The following LRBA variants were observed in gnomAD, a reference collection of about 807,000 sequenced individuals.
The protein encoded by LRBA is LPS responsive beige-like anchor protein.
In LRBA, 176 loss-of-function variants were observed where a neutral mutation model predicts 330.0. The ratio of observed to expected loss-of-function variants is 0.53; its 90% confidence interval spans 0.47 to 0.60. LRBA has a LOEUF of 0.60. Among genes scored for constraint, LRBA ranks in the 20% least tolerant of loss-of-function variants. The pLI is 0.00. For synonymous variants in LRBA, 1,230 were observed against 1,193.0 expected, an observed-to-expected ratio of 1.03 and a Z score of -0.64; for missense variants, 3,259 against 3,444.8, an observed-to-expected ratio of 0.95 and a Z score of 1.35.
At chr4:150,734,525 G>GT (rs1730938462) in intron 36 of LRBA, among the ~76,000 whole-genome samples, 1 of 152,070 alleles carries the variant, frequency 6.6e-6, no homozygotes, top group African/African-American at 2.4e-5. Context: ...GAGTTTATCT[G>GT]TTCTTGATAT....
rs192693312 is a variant in LRBA, at chr4:150,464,644, T to G, written c.6780+3029A>C. Among the ~76,000 whole-genome samples, 227 of 152,152 alleles carry G rather than the reference T, an allele frequency of 1.5e-3. 1 individual carries two copies. The highest frequency in any genetic ancestry group is 2.5e-3 in the Non-Finnish European group (167 of 67,992). On this transcript the variant is annotated intron_variant, in intron 44 of 56. Coordinates refer to ENST00000651943, the MANE Select transcript of LRBA (RefSeq NM_001364905.1). ...GCTGATCTGGGCCTGGCTTTGTTGC[T>G]CTTAGTTGGACTCCTTCATACGTTT...
intron 40 of LRBA, among the ~76,000 whole-genome samples, chr4:150,545,541 TA>T (rs1315470758): frequency 5.9e-5 from 9 of 152,002 alleles, no homozygotes; most frequent in African/African-American, 1.4e-4. Flanking sequence ...ACATTAAGCT[TA>T]AAAAAAATAA....
At chr4:150,708,823 T>C (rs1686041382) in intron 36 of LRBA, among the ~76,000 whole-genome samples, 1 of 151,782 alleles carries the variant, frequency 6.6e-6, no homozygotes, top group Admixed American at 6.6e-5. Flanking sequence ...TCTATGAGTG[T>C]GAGTTTCTTA....
In LRBA at chr4:150,325,020, G is replaced by A. The variant is rs1324885938; in HGVS notation, c.7452+789C>T. On this transcript the variant is annotated intron_variant, in intron 49 of 56. Transcript: ENST00000651943. ...ATTTCCGTACCCATGATTCTGGGCT[G>A]ACTTTTGACTTGCTTTGACCAATGA... is the stretch of plus-strand genomic sequence containing the variant. Among the ~76,000 whole-genome samples the A allele has an allele frequency of 3.9e-5, 6 of 152,170 alleles. No individual in the cohort carries two copies. The East Asian group carries it at 7.7e-4, about 20-fold the overall frequency.
At position 150,447,072 on chromosome 4, in the gene LRBA, G is replaced by C. The variant is rs142307248; in HGVS notation, c.6781-10208C>G. On this transcript the variant is annotated intron_variant, in intron 44 of 56. Transcript: ENST00000651943. ...CTGCAATAGCTGGACAGGGTTTTGG[G>C]CTGCCTCTACAATTTAAGACAAAAA... 7.4e-3 allele frequency among the ~76,000 whole-genome samples: 1,121 copies of C among 152,256 alleles called. 11 individuals are homozygous for C. Among genetic ancestry groups the C allele is most frequent in the African/African-American group, 0.026 (1,074 of 41,544 alleles).
Position 150,551,122 on chromosome 4 carries a change from A to G in LRBA, c.6330+36926T>C, listed in dbSNP as rs182755111. 2.8e-4 allele frequency among the ~76,000 whole-genome samples: 42 copies of G among 151,974 alleles called. 1 individual carries two copies. Among genetic ancestry groups the G allele is most frequent in the African/African-American group, 9.4e-4 (39 of 41,440 alleles). ...TTCCTCATAAAAGAATGGAGCTTAGACCCCTCTTGCTCTCTCTGTCTCACA... is the reference window on the plus strand; with the variant it reads ...TTCCTCATAAAAGAATGGAGCTTAGGCCCCTCTTGCTCTCTCTGTCTCACA... On this transcript the variant is annotated intron_variant, in intron 40 of 56. Transcript: ENST00000651943.
At chr4:150,815,024 A>C (rs1744350863) in intron 31 of LRBA, among the ~76,000 whole-genome samples, 1 of 151,972 alleles carries the variant, frequency 6.6e-6, no homozygotes, top group Non-Finnish European at 1.5e-5. Context: ...TAAAGAATAG[A>C]CTTAAAAGCA....
chr4:150,499,636 T>C (rs930518539), intron 40 of LRBA, among the ~76,000 whole-genome samples: 1 of 151,436 alleles, frequency 6.6e-6, no homozygotes, highest in African/African-American at 2.5e-5. Flanking sequence ...GAGACTTTTT[T>C]TTTTTTTTAA....
chr4:150,590,850 T>C lies in LRBA; in HGVS notation c.6056A>G (p.Glu2019Gly), dbSNP rs531197525. 2 of 1,613,854 alleles carry C rather than the reference T, an allele frequency of 1.2e-6. No individual in the cohort carries two copies. Among genetic ancestry groups the C allele is most frequent in the South Asian group, 1.1e-5 (1 of 91,002 alleles). ...LKTAVEHATD[E>G]DILAKGKQSI... The stretch of plus-strand genomic sequence containing the variant: ...CTGTTTTCCTTTAGCAAGGATATCT[T>C]CATCTGTGGCTGAAATGAAAAGGAA... Residue 2019 changes from glutamate to glycine, a missense_variant, in exon 39 of 57, where the codon GAA becomes GGA. By Grantham distance (98) the Glu-to-Gly change is moderately conservative. Coordinates refer to ENST00000651943, the MANE Select transcript of LRBA (RefSeq NM_001364905.1).
intron 40 of LRBA, among the ~76,000 whole-genome samples, chr4:150,563,065 G>A (rs556331796): frequency 6.6e-6 from 1 of 152,138 alleles, no homozygotes; most frequent in East Asian, 1.9e-4. Context: ...TAAAAGTGCT[G>A]GGATTACAGA....
At chr4:150,897,852 T>C (rs1205146835) in intron 14 of LRBA, 34 bp from the exon 15 acceptor site, 3 of 1,380,722 alleles carry the variant, frequency 2.2e-6, no homozygotes, top group Non-Finnish European at 3.1e-6. Flanking sequence ...ACATTTAGTA[T>C]TTAAAGGACC....
chr4:150,588,878 G>A (rs1772449226), intron 39 of LRBA, among the ~76,000 whole-genome samples: 2 of 152,016 alleles, frequency 1.3e-5, no homozygotes, highest in Admixed American at 1.3e-4. Context: ...AATTTTTATT[G>A]GAATAATCAA....
At chr4:150,315,708 G>T in intron 50 of LRBA, 85 bp from the exon 51 acceptor site, 1 of 816,010 alleles carries the variant, frequency 1.2e-6, no homozygotes. Flanking sequence ...ACCTTATGTA[G>T]AATTGTTTCC....
chr4:150,377,157 G>GA (rs1197244129), intron 47 of LRBA, among the ~76,000 whole-genome samples: 1 of 130,704 alleles, frequency 7.7e-6, no homozygotes, highest in Non-Finnish European at 1.7e-5. Flanking sequence ...AAAAAAAAAA[G>GA]AAGCTCTTAG....
At chr4:150,937,894 C>T (rs1735251603) in intron 2 of LRBA, among the ~76,000 whole-genome samples, 1 of 152,022 alleles carries the variant, frequency 6.6e-6, no homozygotes, top group African/African-American at 2.4e-5. Flanking sequence ...TTCGGAAAAT[C>T]TAAAGACCAA....
intron 2 of LRBA, among the ~76,000 whole-genome samples, chr4:151,010,963 G>A (rs1313586280): frequency 7.2e-5 from 11 of 151,764 alleles, no homozygotes; most frequent in Admixed American, 4.6e-4. Flanking sequence ...TGAGGCAGGC[G>A]GATCACGAGG....
At chr4:151,000,307 A>C (rs1743190205) in intron 2 of LRBA, among the ~76,000 whole-genome samples, 1 of 152,236 alleles carries the variant, frequency 6.6e-6, no homozygotes, top group African/African-American at 2.4e-5. Context: ...GCATCTGTGT[A>C]ATTCACAATT....
chr4:150,948,162 G>A (rs1466678809), intron 2 of LRBA, among the ~76,000 whole-genome samples: 5 of 151,996 alleles, frequency 3.3e-5, no homozygotes, highest in African/African-American at 1.2e-4. Context: ...AAAGGAACTA[G>A]AATACCAAAA....
At chr4:150,694,949 T>C (rs973867498) in intron 36 of LRBA, among the ~76,000 whole-genome samples, 1 of 152,154 alleles carries the variant, frequency 6.6e-6, no homozygotes, top group African/African-American at 2.4e-5. Context: ...GAAGTATATA[T>C]AATATTTGTA....
Sources: gnomAD v4.1 joint callset for allele counts (sites outside exome capture counted in the v4.1 genomes callset) on GRCh38, gnomAD v4.1.1 for gene constraint, MANE v1.5 for transcripts, NCBI Gene and HGNC (gene_info 2026-07-23, HGNC 2026-07-21) for gene names.